KAZN: variants seen among roughly 807,000 people sequenced by gnomAD.
KAZN encodes the protein kazrin, periplakin interacting protein, also known as kazrin.
KAZN carries 40 observed loss-of-function variants against 87.4 expected under a neutral mutation model. That is an observed-to-expected ratio of 0.46 (90% CI 0.36 to 0.60). The LOEUF (loss-of-function observed/expected upper bound fraction) is 0.60. Among genes scored for constraint, KAZN ranks in the 20% least tolerant of loss-of-function variants. The pLI is 0.00. For missense variants in KAZN, 898 were observed against 1,073.9 expected (o/e 0.84, Z 2.29); for synonymous variants, 466 against 458.3 (o/e 1.02, Z -0.22).
At chr1:15,015,553 G>A (rs1461099472) in intron 2 of KAZN, among the ~76,000 whole-genome samples, 3 of 152,172 alleles carry the variant, frequency 2.0e-5, no homozygotes. Context: ...GAGTGGTCCT[G>A]AGGTGGCCCT....
At chr1:14,629,855 C>T (rs1057204933) in intron 1 of KAZN, among the ~76,000 whole-genome samples, 15 of 152,066 alleles carry the variant, frequency 9.9e-5, no homozygotes, top group South Asian at 2.1e-4. Flanking sequence ...CACCCTGGGG[C>T]TAGGGCTGGA....
At chr1:13,913,901 A>C (rs1639743650) in intron 1 of KAZN, among the ~76,000 whole-genome samples, 2 of 152,156 alleles carry the variant, frequency 1.3e-5, no homozygotes, top group Non-Finnish European at 1.5e-5. Context: ...AAACTAGTGC[A>C]GTGGTTCTTG....
intron 1 of KAZN, among the ~76,000 whole-genome samples, chr1:14,682,781 T>A (rs543208352): frequency 6.6e-6 from 1 of 152,212 alleles, no homozygotes; most frequent in East Asian, 1.9e-4. Context: ...CTCATGACAC[T>A]CTAGACCCAG....
At chr1:14,919,715 G>C (rs1658286118) in intron 1 of KAZN, among the ~76,000 whole-genome samples, 1 of 152,154 alleles carries the variant, frequency 6.6e-6, no homozygotes, top group Non-Finnish European at 1.5e-5. Context: ...AAAAACATTT[G>C]GGTCAATGAT....
At chr1:15,072,944 T>G (rs982710551) in intron 8 of KAZN, among the ~76,000 whole-genome samples, 1 of 152,134 alleles carries the variant, frequency 6.6e-6, no homozygotes, top group East Asian at 1.9e-4. Context: ...AGGATTCAAC[T>G]CCTTAATCCA....
At chr1:14,372,938 CAG>C (rs1345308413) in intron 2 of KAZN, among the ~76,000 whole-genome samples, 8 of 152,070 alleles carry the variant, frequency 5.3e-5, no homozygotes, top group Non-Finnish European at 8.8e-5. Context: ...GTAACAGAAA[CAG>C]GGGATAGAGA....
intron 1 of KAZN, among the ~76,000 whole-genome samples, chr1:14,860,403 G>C (rs1358786735): frequency 1.3e-5 from 2 of 152,114 alleles, no homozygotes; most frequent in Non-Finnish European, 2.9e-5. Context: ...TGTCGGCCAG[G>C]CTGGTCTCAA....
At chr1:14,081,411 T>A (rs184664827) in intron 1 of KAZN, among the ~76,000 whole-genome samples, 11 of 152,266 alleles carry the variant, frequency 7.2e-5, no homozygotes, top group African/African-American at 2.4e-4. Flanking sequence ...TCCCAGTTGA[T>A]GAGCCATACC....
intron 1 of KAZN, among the ~76,000 whole-genome samples, chr1:14,068,012 A>G (rs1008561209): frequency 6.6e-5 from 10 of 152,192 alleles, no homozygotes; most frequent in Non-Finnish European, 1.0e-4. Flanking sequence ...AGCCCTTTTC[A>G]GAGCCGGAAT....
intron 1 of KAZN, among the ~76,000 whole-genome samples, chr1:14,844,526 A>C (rs1367594220): frequency 2.0e-5 from 3 of 152,240 alleles, no homozygotes; most frequent in Non-Finnish European, 4.4e-5. Flanking sequence ...AGCCTGGCTG[A>C]ACATGCGCTA....
At chr1:13,895,472 C>A (rs1639002332) in intron 1 of KAZN, among the ~76,000 whole-genome samples, 2 of 152,052 alleles carry the variant, frequency 1.3e-5, no homozygotes, top group South Asian at 4.1e-4. Flanking sequence ...AAAAAACATC[C>A]TTTATGTCAA....
At chr1:15,067,600 G>A in intron 8 of KAZN, 1 of 985,470 alleles carries the variant, frequency 1.0e-6, no homozygotes, top group Non-Finnish European at 1.2e-6. Context: ...TTAAAAAGAA[G>A]CAAGGAGATT....
At chr1:14,086,361 C>T (rs1322202033) in intron 1 of KAZN, among the ~76,000 whole-genome samples, 1 of 152,108 alleles carries the variant, frequency 6.6e-6, no homozygotes, top group Non-Finnish European at 1.5e-5. Flanking sequence ...CCCCAGGTCT[C>T]CCCCAACAGG....
chr1:14,017,618 A>G (rs564087596), intron 1 of KAZN, among the ~76,000 whole-genome samples: 6 of 152,316 alleles, frequency 3.9e-5, no homozygotes, highest in East Asian at 3.9e-4. Flanking sequence ...TTACACCCCA[A>G]TGCTTCACCA....
intron 1 of KAZN, among the ~76,000 whole-genome samples, chr1:14,803,640 A>G (rs966004051): frequency 6.6e-6 from 1 of 152,242 alleles, no homozygotes; most frequent in Non-Finnish European, 1.5e-5. Flanking sequence ...CAGAGCCACA[A>G]GTGGGCCCCC....
chr1:14,521,397 G>A (rs1158768797), intron 2 of KAZN, among the ~76,000 whole-genome samples: 1 of 152,142 alleles, frequency 6.6e-6, no homozygotes, highest in Non-Finnish European at 1.5e-5. Flanking sequence ...CCACCTTCCA[G>A]AGCCAAAGTG....
At chr1:14,736,433 G>A (rs1035501908) in intron 1 of KAZN, among the ~76,000 whole-genome samples, 10 of 149,882 alleles carry the variant, frequency 6.7e-5, no homozygotes, top group African/African-American at 1.7e-4. Context: ...CAAGTAGCTA[G>A]GATTACAGGC....
chr1:14,564,249 C>G (rs1214470203), intron 2 of KAZN, among the ~76,000 whole-genome samples: 1 of 152,084 alleles, frequency 6.6e-6, no homozygotes, highest in East Asian at 1.9e-4. Flanking sequence ...GTTTGTCCAC[C>G]TGGTCAACTC....
intron 2 of KAZN, among the ~76,000 whole-genome samples, chr1:14,561,593 A>G (rs1674256683): frequency 6.6e-6 from 1 of 152,064 alleles, no homozygotes; most frequent in African/African-American, 2.4e-5. Context: ...GGAGGAGACA[A>G]CCATAGTCCT....
Sources: allele counts gnomAD v4.1 joint callset (sites outside exome capture counted in the v4.1 genomes callset), GRCh38; gene constraint gnomAD v4.1.1; transcripts MANE v1.5; gene names NCBI Gene and HGNC (gene_info 2026-07-23, HGNC 2026-07-21).